Variants in ATP8B4 observed in about 807,000 individuals in gnomAD.
ATP8B4 encodes the protein ATPase phospholipid transporting 8B4 (putative).
In ATP8B4, 133 loss-of-function variants were observed where a neutral mutation model predicts 145.6. The ratio of observed to expected loss-of-function variants is 0.91; its 90% confidence interval spans 0.79 to 1.05. The LOEUF (loss-of-function observed/expected upper bound fraction) is 1.05. ATP8B4 is among the 50% of genes least tolerant of loss of function. The pLI, the probability that ATP8B4 is intolerant of heterozygous loss-of-function variation, is 0.00. For synonymous variants in ATP8B4, 507 were observed against 492.9 expected (o/e 1.03, Z -0.38); for missense variants, 1,458 against 1,425.2 (o/e 1.02, Z -0.37).
chr15:50,045,289 A>G (rs995247231), intron 4 of ATP8B4, among the ~76,000 whole-genome samples: 1 of 152,130 alleles, frequency 6.6e-6, no homozygotes, highest in African/African-American at 2.4e-5. Flanking sequence ...TCATGTCCCA[A>G]TTTTATAAAT....
intron 7 of ATP8B4, among the ~76,000 whole-genome samples, chr15:50,006,296 A>C (rs1240151614): frequency 6.6e-6 from 1 of 151,814 alleles, no homozygotes; most frequent in Non-Finnish European, 1.5e-5. Context: ...AAAAAAAAAA[A>C]AATCCTTGCC....
At chr15:50,149,513 G>A (rs1354268937) in intron 1 of ATP8B4, among the ~76,000 whole-genome samples, 1 of 152,168 alleles carries the variant, frequency 6.6e-6, no homozygotes, top group African/African-American at 2.4e-5. Flanking sequence ...GTCCACTGAG[G>A]TGGTAGGAAA....
intron 3 of ATP8B4, among the ~76,000 whole-genome samples, chr15:50,056,917 A>G (rs113002981): frequency 0.073 from 11,104 of 152,032 alleles, 505 homozygotes; most frequent in African/African-American, 0.11. Context: ...ATTGAGACAG[A>G]GTCTCGCTAT....
intron 13 of ATP8B4, among the ~76,000 whole-genome samples, chr15:49,969,302 C>T (rs1031793804): frequency 2.0e-4 from 31 of 152,022 alleles, no homozygotes; most frequent in Non-Finnish European, 4.1e-4. Flanking sequence ...GATAGAGACA[C>T]GAAAAACCCT....
At chr15:50,087,387 T>A (rs1050779896) in intron 2 of ATP8B4, among the ~76,000 whole-genome samples, 1 of 142,344 alleles carries the variant, frequency 7.0e-6, no homozygotes, top group Non-Finnish European at 1.5e-5. Context: ...TAGATATATA[T>A]TATACATATC....
intron 14 of ATP8B4, among the ~76,000 whole-genome samples, chr15:49,953,575 G>A (rs1375962592): frequency 6.6e-6 from 1 of 152,194 alleles, no homozygotes; most frequent in African/African-American, 2.4e-5. Context: ...CAGGGGAAAA[G>A]TGCATCCTGG....
At chr15:50,100,180 T>TTCCCAATGA (rs1283353470) in intron 2 of ATP8B4, among the ~76,000 whole-genome samples, 1 of 152,182 alleles carries the variant, frequency 6.6e-6, no homozygotes, top group Non-Finnish European at 1.5e-5. Flanking sequence ...TGTCCTATGC[T>TTCCCAATGA]TCCCAATGAT....
At chr15:50,172,902 T>G (rs1372521401) in intron 1 of ATP8B4, among the ~76,000 whole-genome samples, 1 of 130,816 alleles carries the variant, frequency 7.6e-6, no homozygotes, top group Non-Finnish European at 1.6e-5. Flanking sequence ...AGCCCCTCCG[T>G]CCGGCAGCCG....
intron 8 of ATP8B4, among the ~76,000 whole-genome samples, chr15:50,000,033 C>G (rs1364850933): frequency 6.6e-6 from 1 of 152,120 alleles, no homozygotes; most frequent in Non-Finnish European, 1.5e-5. Flanking sequence ...CAGTAGTTCA[C>G]TCATTTTCAT....
chr15:50,112,340 G>T (rs1483907690), intron 1 of ATP8B4, among the ~76,000 whole-genome samples: 1 of 152,058 alleles, frequency 6.6e-6, no homozygotes, highest in East Asian at 1.9e-4. Flanking sequence ...AGAGCCTAGG[G>T]AGTAACTGAA....
chr15:50,162,570 G>C (rs972940826), intron 1 of ATP8B4, among the ~76,000 whole-genome samples: 8 of 151,948 alleles, frequency 5.3e-5, no homozygotes, highest in Admixed American at 5.2e-4. Flanking sequence ...GCAGTGGCGC[G>C]ATCTCAGCTC....
At chr15:50,058,237 T>C (rs564008270) in intron 3 of ATP8B4, among the ~76,000 whole-genome samples, 1 of 152,154 alleles carries the variant, frequency 6.6e-6, no homozygotes, top group African/African-American at 2.4e-5. Flanking sequence ...CACGAATTCG[T>C]CTTATCCTGA....
At chr15:49,891,348 T>C (rs1476271581) in intron 23 of ATP8B4, among the ~76,000 whole-genome samples, 1 of 151,942 alleles carries the variant, frequency 6.6e-6, no homozygotes, top group African/African-American at 2.4e-5. Context: ...TGCTTTGAGA[T>C]GGAGTCTCGC....
chr15:49,882,703 A>C (rs1486413149), intron 23 of ATP8B4, among the ~76,000 whole-genome samples: 1 of 152,182 alleles, frequency 6.6e-6, no homozygotes, highest in Non-Finnish European at 1.5e-5. Context: ...GGAACTCCTA[A>C]TCATATGGTA....
In ATP8B4 at chr15:49,858,348, T is replaced by A. The variant is rs1272576991; in HGVS notation, c.*1846A>T. On this transcript the variant is annotated 3_prime_UTR_variant, in exon 28 of 28. Coordinates refer to ENST00000284509, the MANE Select transcript of ATP8B4 (RefSeq NM_024837.4). ...ACAAATTAGACATTGAAAACCAACA[T>A]CTGGTTAAGTGTAGGCAGGCATGTA... 1.3e-5 allele frequency: 2 copies of A among 152,146 alleles called. No homozygotes were observed. The highest frequency in any genetic ancestry group is 4.1e-4 in the South Asian group (2 of 4,830). 9.4% of individuals were successfully genotyped at this position (152,146 alleles called of 1,614,324 possible). A position where few individuals can be genotyped will look rare whatever the true frequency, so the allele number is the denominator to read the frequency against.
At chr15:50,175,145 T>C (rs944435381) in intron 1 of ATP8B4, among the ~76,000 whole-genome samples, 17 of 152,092 alleles carry the variant, frequency 1.1e-4, no homozygotes, top group African/African-American at 3.9e-4. Flanking sequence ...AAAAATCAAC[T>C]CTAGATGGAT....
chr15:49,962,095 C>T (rs1237225374), intron 13 of ATP8B4, 75 bp from the exon 14 acceptor site: 23 of 1,136,382 alleles, frequency 2.0e-5, no homozygotes, highest in Middle Eastern at 2.2e-4. Context: ...TTAAGGAATA[C>T]ACTTATTATT....
At chr15:49,908,429 T>C (rs2038861172) in intron 20 of ATP8B4, among the ~76,000 whole-genome samples, 1 of 152,206 alleles carries the variant, frequency 6.6e-6, no homozygotes, top group African/African-American at 2.4e-5. Context: ...CAAGGCATCC[T>C]GTCTGGCTGG....
intron 6 of ATP8B4, among the ~76,000 whole-genome samples, chr15:50,017,755 T>G (rs2049202442): frequency 6.6e-6 from 1 of 152,224 alleles, no homozygotes; most frequent in African/African-American, 2.4e-5. Context: ...GTGATGTGGT[T>G]TGTTCTGGCC....
Sources: allele counts gnomAD v4.1 joint callset (sites outside exome capture counted in the v4.1 genomes callset), GRCh38; gene constraint gnomAD v4.1.1; transcripts MANE v1.5; gene names NCBI Gene and HGNC (gene_info 2026-07-23, HGNC 2026-07-21).